Variants in FBXL16 observed in about 807,000 individuals in gnomAD.
FBXL16 encodes the protein F-box/LRR-repeat protein 16.
In FBXL16, 7 loss-of-function variants were observed where a neutral mutation model predicts 36.7. The ratio of observed to expected loss-of-function variants is 0.19; its 90% CI spans 0.11 to 0.36. The LOEUF (loss-of-function observed/expected upper bound fraction) is 0.36, where lower values mean the gene tolerates loss of function less well. Among genes scored for constraint, FBXL16 ranks in the 10% least tolerant of loss-of-function variants. The pLI is 1.00. For missense variants in FBXL16, 463 were observed against 659.4 expected, an observed-to-expected ratio of 0.70 and a Z score of 3.26; for synonymous variants, 355 against 308.7, an observed-to-expected ratio of 1.15 and a Z score of -1.57.
rs1278594743 is a variant in FBXL16 at position 693,389 on chromosome 16, G to C, written c.*886C>G. ...GCCGGGTGCAAGGGCTGAGGTGTGA[G>C]GTCGGCCCAGGCCTCTTCCCAGGCC... On this transcript the variant is annotated 3_prime_UTR_variant, in exon 6 of 6. Transcript: ENST00000397621. 6.6e-6 allele frequency: 1 copy of C among 152,438 alleles called. No homozygotes were observed. Among genetic ancestry groups the C allele is most frequent in the Non-Finnish European group, 1.5e-5 (1 of 68,140 alleles). The allele number at this position is 152,438 out of a possible 1,614,324, so 9.4% of individuals were successfully genotyped here. A position where few individuals can be genotyped will look rare whatever the true frequency, so the allele number is the denominator to read the frequency against.
At chr16:704,803 A>G (rs569615945) in intron 1 of FBXL16, among the ~76,000 whole-genome samples, 1 of 152,306 alleles carries the variant, frequency 6.6e-6, no homozygotes, top group Admixed American at 6.5e-5. Context: ...GGAGCCTGGG[A>G]AGGGCCTGGA....
At chr16:695,293 C>A in intron 3 of FBXL16, 122 bp downstream of exon 3, 1 of 1,181,730 alleles carries the variant, frequency 8.5e-7, no homozygotes, top group Admixed American at 3.3e-5. Flanking sequence ...GCTCTGCCCG[C>A]CGCGCCACAG....
intron 1 of FBXL16, among the ~76,000 whole-genome samples, chr16:702,144 G>C (rs1368562123): frequency 6.6e-6 from 1 of 152,190 alleles, no homozygotes; most frequent in African/African-American, 2.4e-5. Flanking sequence ...CGCAGGAGCT[G>C]CCTCTTCTGC....
intron 1 of FBXL16, among the ~76,000 whole-genome samples, chr16:700,679 G>A (rs1045295320): frequency 6.6e-6 from 1 of 152,058 alleles, no homozygotes; most frequent in Non-Finnish European, 1.5e-5. Flanking sequence ...AATATCCTCC[G>A]TGCCCCTAGA....
chr16:705,083 C>G (rs999839666), intron 1 of FBXL16, among the ~76,000 whole-genome samples: 2 of 152,228 alleles, frequency 1.3e-5, no homozygotes, highest in African/African-American at 4.8e-5. Flanking sequence ...AAGCCGCCCG[C>G]CCGGGGAGGG....
intron 1 of FBXL16, among the ~76,000 whole-genome samples, chr16:700,165 G>A (rs1230429998): frequency 6.6e-6 from 1 of 152,244 alleles, no homozygotes; most frequent in Non-Finnish European, 1.5e-5. Context: ...TGGGGAGGGG[G>A]TGTAGACCGG....
Position 696,932 on chromosome 16 carries a change from C to A in FBXL16, c.474G>T (p.Val158=). ...NVLPGGEKEF[V]NLQGFAARGF... ...CTCTGGCGGCAAAACCCTGCAGGTT[C>A]ACGAACTCCTTCTCGCCACCAGGCA... Residue 158 remains valine, a synonymous_variant, in exon 2 of 6, where the codon GTG becomes GTT. Coordinates refer to ENST00000397621, the MANE Select transcript of FBXL16 (RefSeq NM_153350.4). 1 of 1,607,278 alleles carries A rather than the reference C, an allele frequency of 6.2e-7. No homozygotes were observed. The highest frequency in any genetic ancestry group is 8.5e-7 in the Non-Finnish European group (1 of 1,178,116).
intron 3 of FBXL16, 141 bp downstream of exon 3, chr16:695,274 G>C: frequency 8.5e-7 from 1 of 1,170,006 alleles, no homozygotes; most frequent in South Asian, 1.7e-5. Flanking sequence ...CACTCCCCAG[G>C]CTCCGAGGGC....
intron 1 of FBXL16, among the ~76,000 whole-genome samples, chr16:704,228 C>G (rs2040075335): frequency 1.3e-5 from 2 of 152,218 alleles, no homozygotes; most frequent in African/African-American, 2.4e-5. Context: ...TTCAAGGGCC[C>G]CGTGCCTCCC....
At position 697,214 on chromosome 16, in the gene FBXL16, C is replaced by T. The variant is rs1482101254; in HGVS notation, c.192G>A (p.Leu64=). 8.0e-7 allele frequency: 1 copy of T among 1,244,762 alleles called. No homozygotes were observed. Among genetic ancestry groups the T allele is most frequent in the African/African-American group, 2.0e-5 (1 of 49,274 alleles). 77.1% of individuals were successfully genotyped at this position (1,244,762 alleles called of 1,614,324 possible). Reference sequence around the variant, plus strand: ...GGCCCCCAGCCAGGGCAGCCCGGGACAGTGGAGCAGCCAGGCTGGGTGGTG... The same window carrying T: ...GGCCCCCAGCCAGGGCAGCCCGGGATAGTGGAGCAGCCAGGCTGGGTGGTG... ...TLPPPSLAAP[L]SRAALAGGPC... is the part of the protein sequence containing the mutation. The change falls in exon 2 of 6, where the codon CTG becomes CTA. Residue 64 remains leucine, a synonymous_variant. Coordinates refer to ENST00000397621, the MANE Select transcript of FBXL16 (RefSeq NM_153350.4). This position sits in a 1 kb window ranked among gnomAD's most constrained non-coding sequence, Gnocchi z 4.6.
chr16:700,329 T>C (rs1003831733), intron 1 of FBXL16, among the ~76,000 whole-genome samples: 1 of 152,094 alleles, frequency 6.6e-6, no homozygotes, highest in East Asian at 1.9e-4. Context: ...TCCTGGAAGG[T>C]GAGGCCGGGC....
chr16:695,036 T>G lies in FBXL16; in HGVS notation c.1183A>C (p.Thr395Pro). ...TAGAGGCTGCGGAGGGACGACATGG[T>G]GGACAGATAGCTGAGGCCAGTGTCC... is the stretch of plus-strand genomic sequence containing the variant. ...ITDTGLSYLS[T>P]MSSLRSLYLR... The change falls in exon 4 of 6, where the codon ACC becomes CCC. Residue 395 changes from threonine (T) to proline (P), a missense_variant. Thr to Pro is a conservative substitution (Grantham distance 38, BLOSUM62 -1). Transcript: ENST00000397621. 1 of 1,587,532 alleles carries G rather than the reference T, an allele frequency of 6.3e-7. No individual in the cohort carries two copies. Among genetic ancestry groups the G allele is most frequent in the South Asian group, 1.1e-5 (1 of 88,300 alleles).
At chr16:702,493 G>A (rs1183499597) in intron 1 of FBXL16, among the ~76,000 whole-genome samples, 1 of 152,210 alleles carries the variant, frequency 6.6e-6, no homozygotes, top group Admixed American at 6.5e-5. Context: ...AACGTGCATG[G>A]CCTCTGCATG....
At chr16:701,397 C>A (rs914176691) in intron 1 of FBXL16, among the ~76,000 whole-genome samples, 3 of 152,250 alleles carry the variant, frequency 2.0e-5, no homozygotes, top group African/African-American at 7.2e-5. Flanking sequence ...TGCCGGCCCC[C>A]GCTGCTCCTC....
In FBXL16 at chr16:694,441, GGCGGCTCAGTGC is replaced by G; in HGVS notation, c.1292-30_1292-19del. On this transcript the variant is annotated intron_variant, in intron 5 of 5. Transcript: ENST00000397621. ...CGGGCAGCCTGCGGCGGGGTCAGAG[GGCGGCTCAGTGC>G]GCGCGGCCCAGGGCTCGGGCGGGGA... 6.5e-7 allele frequency: 1 copy of G among 1,540,328 alleles called. No homozygotes were observed. Among genetic ancestry groups the G allele is most frequent in the Non-Finnish European group, 8.7e-7 (1 of 1,150,734 alleles).
Position 697,431 on chromosome 16 carries a change from G to A in FBXL16, c.-14-12C>T. The stretch of plus-strand genomic sequence containing the variant: ...CTTCCTGGCACGCTCTGTGGATGAG[G>A]GCCGGGAGGGGGAGTGAGTCTGTTG... On this transcript the variant is annotated splice_polypyrimidine_tract_variant and intron_variant, in intron 1 of 5. Transcript: ENST00000397621. This position sits in a 1 kb window ranked among gnomAD's most constrained non-coding sequence, Gnocchi z 4.6. The A allele has an allele frequency of 6.6e-7, 1 of 1,518,908 alleles. No individual in the cohort carries two copies. The highest frequency in any genetic ancestry group is 8.8e-7 in the Non-Finnish European group (1 of 1,137,470). 94.1% of individuals were successfully genotyped at this position (1,518,908 alleles called of 1,614,324 possible).
At chr16:696,738 C>T (rs1044355826) in intron 2 of FBXL16, 35 bp downstream of exon 2, 4 of 1,431,324 alleles carry the variant, frequency 2.8e-6, no homozygotes, top group African/African-American at 2.9e-5. Context: ...CCGCCCCTGC[C>T]CCCCAGCCCT....
rs149873690 is a variant in FBXL16 at position 696,720 on chromosome 16, G to A, written c.633+53C>T. On this transcript the variant is annotated intron_variant, in intron 2 of 5. Transcript: ENST00000397621. ...CATCCGCTCCCACCTCCATAGGGTT[G>A]CTGCTGCCCGCCCCTGCCCCCCAGC... 641 of 1,451,978 alleles carry A rather than the reference G, an allele frequency of 4.4e-4. No individual in the cohort carries two copies. In the African/African-American group the frequency reaches 8.6e-3, roughly 19 times the overall value. 89.9% of individuals were successfully genotyped at this position (1,451,978 alleles called of 1,614,324 possible). A position where few individuals can be genotyped will look rare whatever the true frequency, so the allele number is the denominator to read the frequency against.
intron 1 of FBXL16, among the ~76,000 whole-genome samples, chr16:699,999 A>G (rs1451750731): frequency 6.6e-6 from 1 of 151,910 alleles, no homozygotes; most frequent in East Asian, 1.9e-4. Context: ...CTGCAACCCC[A>G]AGGCCCGCAG....
Sources: allele counts gnomAD v4.1 joint callset (sites outside exome capture counted in the v4.1 genomes callset), GRCh38; gene constraint gnomAD v4.1.1; non-coding constraint Gnocchi (gnomAD v3.1); transcripts MANE v1.5; gene names NCBI Gene and HGNC (gene_info 2026-07-23, HGNC 2026-07-21).